Variants in LGSN observed in about 807,000 individuals in gnomAD.
LGSN encodes lengsin.
A neutral mutation model predicts 19.5 loss-of-function variants in LGSN; 21 were observed. The ratio of observed to expected loss-of-function variants is 1.07; its 90% CI spans 0.76 to 1.55. LGSN has a LOEUF of 1.55. Ranked by LOEUF, LGSN falls within the 40% of genes most tolerant of loss-of-function variation. The pLI, the probability that LGSN is intolerant of heterozygous loss-of-function variation, is 0.00. For synonymous variants in LGSN, 257 were observed against 215.6 expected (o/e 1.19, Z -1.68); for missense variants, 673 against 608.5 (o/e 1.11, Z -1.12).
chr6:63,374,644 G>T, the LGSN span, among the ~76,000 whole-genome samples: 3 of 152,162 alleles, frequency 2.0e-5, no homozygotes, highest in African/African-American at 7.2e-5. Flanking sequence ...AAATGTAATG[G>T]CTTAAAACAA....
At chr6:63,338,116 G>C in the LGSN span, among the ~76,000 whole-genome samples, 1 of 152,076 alleles carries the variant, frequency 6.6e-6, no homozygotes, top group South Asian at 2.1e-4. Context: ...AAACTCCTGA[G>C]CTCAGGTGAT....
chr6:63,312,425 T>C (rs147313346), intron 1 of LGSN, among the ~76,000 whole-genome samples: 8 of 152,340 alleles, frequency 5.3e-5, no homozygotes, highest in Non-Finnish European at 1.0e-4. Context: ...TCCCTTCAAA[T>C]AACTCATAGT....
At chr6:63,353,104 C>A in the LGSN span, among the ~76,000 whole-genome samples, 1 of 152,218 alleles carries the variant, frequency 6.6e-6, no homozygotes, top group East Asian at 1.9e-4. Context: ...AGCCTTTGAG[C>A]TCCAGGATAT....
At chr6:63,301,284 C>G (rs895840725) in intron 1 of LGSN, among the ~76,000 whole-genome samples, 7 of 151,868 alleles carry the variant, frequency 4.6e-5, no homozygotes, top group African/African-American at 1.7e-4. Flanking sequence ...GAATGAGACT[C>G]TGTCTTAAAA....
the LGSN span, among the ~76,000 whole-genome samples, chr6:63,335,993 T>C: frequency 1.3e-5 from 2 of 151,264 alleles, no homozygotes; most frequent in East Asian, 3.9e-4. Context: ...AAGACAAATA[T>C]TGAATATTCT....
chr6:63,427,412 C>T, the LGSN span, among the ~76,000 whole-genome samples: 1 of 152,056 alleles, frequency 6.6e-6, no homozygotes, highest in Admixed American at 6.6e-5. Context: ...ATACCTCAAA[C>T]TCGTATTTTT....
At chr6:63,393,459 G>C in the LGSN span, among the ~76,000 whole-genome samples, 48 of 148,676 alleles carry the variant, frequency 3.2e-4, no homozygotes, top group South Asian at 0.01. Context: ...GATTACAGGC[G>C]TGAGCCACCG....
chr6:63,397,387 T>C, the LGSN span, among the ~76,000 whole-genome samples: 3 of 150,972 alleles, frequency 2.0e-5, no homozygotes, highest in Non-Finnish European at 2.9e-5. Flanking sequence ...AGCCATAAAG[T>C]ATAAAATTAC....
the LGSN span, among the ~76,000 whole-genome samples, chr6:63,497,613 T>C: frequency 2.0e-5 from 3 of 151,962 alleles, no homozygotes; most frequent in Non-Finnish European, 4.4e-5. Flanking sequence ...TAAGAGAAAG[T>C]TGGCATAGGA....
Position 63,279,933 on chromosome 6 carries a change from G to T in LGSN, c.*88C>A. On this transcript the variant is annotated 3_prime_UTR_variant, in exon 4 of 4. Coordinates refer to ENST00000370657, the MANE Select transcript of LGSN (RefSeq NM_016571.3). ...TCGTAATCTTGTTATTGTTGCTGTT[G>T]TTAATTACAAAAGTTCAGTCTTTTT... is the stretch of plus-strand genomic sequence containing the variant. 8.2e-7 allele frequency: 1 copy of T among 1,226,820 alleles called. No homozygotes were observed. The highest frequency in any genetic ancestry group is 1.1e-6 in the Non-Finnish European group (1 of 877,562). The allele number at this position is 1,226,820 out of a possible 1,614,324, so 76.0% of individuals were successfully genotyped here.
At chr6:63,328,647 G>A in the LGSN span, among the ~76,000 whole-genome samples, 4 of 152,182 alleles carry the variant, frequency 2.6e-5, no homozygotes, top group African/African-American at 9.7e-5. Context: ...GTTGTCCCAC[G>A]AGTCTGAGTA....
At chr6:63,553,581 T>C in the LGSN span, among the ~76,000 whole-genome samples, 1 of 152,240 alleles carries the variant, frequency 6.6e-6, no homozygotes, top group Non-Finnish European at 1.5e-5. Flanking sequence ...TGCCTGGACA[T>C]TAGCACATAT....
At chr6:63,435,624 A>G in the LGSN span, among the ~76,000 whole-genome samples, 1 of 151,096 alleles carries the variant, frequency 6.6e-6, no homozygotes, top group Non-Finnish European at 1.5e-5. Context: ...ATAATTCCTT[A>G]TTTTATTTTC....
At chr6:63,349,755 C>T in the LGSN span, among the ~76,000 whole-genome samples, 1 of 152,254 alleles carries the variant, frequency 6.6e-6, no homozygotes, top group South Asian at 2.1e-4. Flanking sequence ...TAAAATAACA[C>T]AAATTTATGA....
chr6:63,434,870 A>T, the LGSN span, among the ~76,000 whole-genome samples: 910 of 152,292 alleles, frequency 6.0e-3, 7 homozygotes, highest in African/African-American at 0.02. Flanking sequence ...AAGGTACATC[A>T]TGAGAAACAG....
At position 63,295,026 on chromosome 6, in the gene LGSN, C is replaced by T. The variant is rs1415223334; in HGVS notation, c.50G>A (p.Gly17Asp). 4 of 1,613,386 alleles carry T rather than the reference C, an allele frequency of 2.5e-6. No individual in the cohort carries two copies. The South Asian group carries it at 4.4e-5, about 18-fold the overall frequency. ...LLQEDSTRDEGNETEANSMNT... is the reference protein window; with the variant it reads ...LLQEDSTRDEDNETEANSMNT... ...CATGCTGTTGGCTTCAGTCTCATTG[C>T]CTTCATCTCTTGTTGAGTCCTGTTG... Residue 17 changes from glycine (G) to aspartate (D), a missense_variant, in exon 2 of 4, where the codon GGC becomes GAC. By Grantham distance (94) the Gly-to-Asp change is moderately conservative (BLOSUM62 -1). Coordinates refer to ENST00000370657, the MANE Select transcript of LGSN (RefSeq NM_016571.3).
the LGSN span, among the ~76,000 whole-genome samples, chr6:63,365,989 A>G: frequency 6.6e-6 from 1 of 152,144 alleles, no homozygotes; most frequent in African/African-American, 2.4e-5. Flanking sequence ...ATCATACTGA[A>G]TGGACAAAAA....
chr6:63,486,682 C>CTTTTTTTTTTTTT, the LGSN span, among the ~76,000 whole-genome samples: 8 of 115,848 alleles, frequency 6.9e-5, no homozygotes, highest in Non-Finnish European at 1.2e-4. Flanking sequence ...TTATTTTCTT[C>CTTTTTTTTTTTTT]TTTTTTTTTT....
chr6:63,440,152 C>A, the LGSN span, among the ~76,000 whole-genome samples: 1 of 152,296 alleles, frequency 6.6e-6, no homozygotes, highest in South Asian at 2.1e-4. Context: ...GGACAGCAGA[C>A]AGCCAAGGGA....
Sources: gnomAD v4.1 joint callset for allele counts (sites outside exome capture counted in the v4.1 genomes callset) on GRCh38, gnomAD v4.1.1 for gene constraint, MANE v1.5 for transcripts, NCBI Gene and HGNC (gene_info 2026-07-23, HGNC 2026-07-21) for gene names.